Variants in ROR1 observed in about 807,000 individuals in gnomAD.
The protein encoded by ROR1 is ROR family WNT receptor 1, also known as inactive tyrosine-protein kinase transmembrane receptor ROR1.
Under a neutral mutation model 78.8 loss-of-function variants are expected in ROR1, and 19 were observed. That is an observed-to-expected ratio of 0.24 (90% confidence interval 0.17 to 0.35). ROR1 has a LOEUF of 0.35. Ranked by LOEUF, ROR1 falls within the 10% of genes least tolerant of loss-of-function variation. The pLI is 1.00. For synonymous variants in ROR1, 386 were observed against 433.6 expected, an observed-to-expected ratio of 0.89 and a Z score of 1.36; for missense variants, 917 against 1,177.8, an observed-to-expected ratio of 0.78 and a Z score of 3.24.
Position 63,774,948 on chromosome 1 carries a change from T to G in ROR1, c.91+440T>G, listed in dbSNP as rs1010392996. Among the ~76,000 whole-genome samples the G allele has an allele frequency of 1.3e-5, 2 of 151,924 alleles. No homozygotes were observed. The highest frequency in any genetic ancestry group is 4.8e-5 in the African/African-American group (2 of 41,366). Reference sequence around the variant, plus strand: ...GGCGCGGTCCAGGAGGGAGTTTGGATTTTCAGTGGTGCTCGCCAGAGCCCA... The same window carrying G: ...GGCGCGGTCCAGGAGGGAGTTTGGAGTTTCAGTGGTGCTCGCCAGAGCCCA... On this transcript the variant is annotated intron_variant, in intron 1 of 8. Transcript: ENST00000371079. The surrounding 1 kb of genome is among the most constrained non-coding windows in gnomAD (Gnocchi z 5.7).
chr1:63,786,177 T>A (rs1644684117), intron 1 of ROR1, among the ~76,000 whole-genome samples: 1 of 150,354 alleles, frequency 6.7e-6, no homozygotes. Context: ...GACTTAACAC[T>A]GATTAGTCTT....
intron 4 of ROR1, 91 bp downstream of exon 4, chr1:64,050,807 A>T: frequency 3.3e-6 from 4 of 1,227,988 alleles, no homozygotes; most frequent in Non-Finnish European, 4.8e-6. Flanking sequence ...CTTAAGCCAA[A>T]ATACTGGCTT....
At chr1:63,867,925 C>T (rs965182888) in intron 1 of ROR1, among the ~76,000 whole-genome samples, 2 of 152,208 alleles carry the variant, frequency 1.3e-5, no homozygotes, top group Non-Finnish European at 2.9e-5. Context: ...TACTGCCGAG[C>T]ATGGCCATGT....
At position 63,816,471 on chromosome 1, in the gene ROR1, T is replaced by C. The variant is rs547094155; in HGVS notation, c.91+41963T>C. Among the ~76,000 whole-genome samples the C allele has an allele frequency of 2.6e-4, 39 of 152,310 alleles. No homozygotes were observed. In the South Asian group the frequency reaches 7.7e-3, roughly 30 times the overall value. On this transcript the variant is annotated intron_variant, in intron 1 of 8. Transcript: ENST00000371079. ...TTTGCCTGCTGCCATCCATGTAAGA[T>C]GTGACTTGCTCCTCTTTGCCTTCTG...
At chr1:63,978,269 TG>T (rs1557592555) in intron 1 of ROR1, among the ~76,000 whole-genome samples, 2 of 152,250 alleles carry the variant, frequency 1.3e-5, no homozygotes, top group African/African-American at 4.8e-5. Flanking sequence ...TTAAATGATT[TG>T]TTTCAGGAGA....
At chr1:64,026,194 TG>T (rs1225988536) in intron 2 of ROR1, among the ~76,000 whole-genome samples, 1 of 152,194 alleles carries the variant, frequency 6.6e-6, no homozygotes, top group African/African-American at 2.4e-5. Context: ...AGAAAGTGGC[TG>T]GGGGCTGTTC....
intron 1 of ROR1, among the ~76,000 whole-genome samples, chr1:63,881,364 C>T (rs1390110): frequency 0.041 from 6,312 of 152,130 alleles, 429 homozygotes; most frequent in African/African-American, 0.14. Context: ...AAATTGCTAT[C>T]AGCTAATAGA....
At chr1:63,920,844 C>G (rs1645648706) in intron 1 of ROR1, among the ~76,000 whole-genome samples, 1 of 152,210 alleles carries the variant, frequency 6.6e-6, no homozygotes, top group Admixed American at 6.5e-5. Context: ...GTTACACATT[C>G]CTTCTTACAG....
chr1:63,996,988 T>C (rs974058464), intron 1 of ROR1, among the ~76,000 whole-genome samples: 1 of 152,202 alleles, frequency 6.6e-6, no homozygotes, highest in Non-Finnish European at 1.5e-5. Flanking sequence ...CATGAGCTAA[T>C]GTCTGTTCTG....
chr1:64,008,378 G>A (rs1450346454), intron 1 of ROR1, among the ~76,000 whole-genome samples: 3 of 152,278 alleles, frequency 2.0e-5, no homozygotes, highest in Non-Finnish European at 4.4e-5. Context: ...TGGGCACCTA[G>A]GTTGATTCCA....
At chr1:63,971,223 A>G (rs1339921704) in intron 1 of ROR1, among the ~76,000 whole-genome samples, 1 of 152,202 alleles carries the variant, frequency 6.6e-6, no homozygotes, top group Non-Finnish European at 1.5e-5. Context: ...CATTAGGTAT[A>G]TGACCTTGGG....
intron 1 of ROR1, among the ~76,000 whole-genome samples, chr1:63,994,374 C>G (rs901316585): frequency 6.6e-6 from 1 of 152,150 alleles, no homozygotes; most frequent in African/African-American, 2.4e-5. Context: ...CGGCGGGGAC[C>G]TTGAGCAGTA....
At chr1:63,824,840 A>C (rs988740190) in intron 1 of ROR1, among the ~76,000 whole-genome samples, 3 of 152,144 alleles carry the variant, frequency 2.0e-5, no homozygotes, top group Non-Finnish European at 4.4e-5. Context: ...TTCAGTCTTC[A>C]TGTATATATA....
chr1:64,072,385 C>A (rs2100619313), intron 4 of ROR1, among the ~76,000 whole-genome samples: 1 of 152,174 alleles, frequency 6.6e-6, no homozygotes, highest in Admixed American at 6.5e-5. Context: ...GGTGCAGGGA[C>A]CCAAATAAGC....
chr1:64,093,677 T>C (rs1288324746), intron 4 of ROR1, among the ~76,000 whole-genome samples: 1 of 152,102 alleles, frequency 6.6e-6, no homozygotes, highest in Non-Finnish European at 1.5e-5. Context: ...ACCTCTTTTT[T>C]TTTGTTTGTC....
intron 2 of ROR1, among the ~76,000 whole-genome samples, chr1:64,015,944 A>G (rs1448113030): frequency 6.6e-6 from 1 of 152,226 alleles, no homozygotes; most frequent in East Asian, 1.9e-4. Context: ...TGAATTAAAT[A>G]AAATATAAAT....
chr1:64,074,026 G>A (rs916859937), intron 4 of ROR1, among the ~76,000 whole-genome samples: 1 of 152,192 alleles, frequency 6.6e-6, no homozygotes, highest in Non-Finnish European at 1.5e-5. Context: ...TTAAAGTGCT[G>A]AGGAATTTAA....
intron 1 of ROR1, among the ~76,000 whole-genome samples, chr1:63,876,590 C>G (rs1454499814): frequency 2.0e-5 from 3 of 151,160 alleles, no homozygotes; most frequent in African/African-American, 7.3e-5. Flanking sequence ...AATTATGAAA[C>G]AAATTGGAAG....
intron 4 of ROR1, among the ~76,000 whole-genome samples, chr1:64,123,233 C>A (rs1024186001): frequency 6.6e-6 from 1 of 152,138 alleles, no homozygotes; most frequent in Non-Finnish European, 1.5e-5. Context: ...TGCAAATATT[C>A]CAAGCATAGT....
Sources: allele counts gnomAD v4.1 joint callset (sites outside exome capture counted in the v4.1 genomes callset), GRCh38; gene constraint gnomAD v4.1.1; non-coding constraint Gnocchi (gnomAD v3.1); transcripts MANE v1.5; gene names NCBI Gene and HGNC (gene_info 2026-07-23, HGNC 2026-07-21).